SLC38A7: variants seen among roughly 807,000 people sequenced by gnomAD.
The protein encoded by SLC38A7 is solute carrier family 38 member 7.
A neutral mutation model predicts 50.1 loss-of-function variants in SLC38A7; 29 were observed. The ratio of observed to expected loss-of-function variants is 0.58; its 90% CI spans 0.43 to 0.79. SLC38A7 has a LOEUF of 0.79. Among genes scored for constraint, SLC38A7 ranks in the 30% least tolerant of loss-of-function variants. The pLI is 0.00. For missense variants in SLC38A7, 483 were observed against 610.6 expected (o/e 0.79, Z 2.20); for synonymous variants, 244 against 245.9 (o/e 0.99, Z 0.07).
At position 58,673,083 on chromosome 16, in the gene SLC38A7, A is replaced by ATTT. The variant is rs34081609; in HGVS notation, c.884-843_884-841dup. On this transcript the variant is annotated intron_variant, in intron 8 of 11. Coordinates refer to ENST00000219320, the MANE Select transcript of SLC38A7 (RefSeq NM_018231.3). Reference sequence around the variant, plus strand: ...GCTGGGATTACACCATGCCCGGCTAATTTTTTTTTTTTTTTTTTTTTTTTT... The same window carrying ATTT: ...GCTGGGATTACACCATGCCCGGCTAATTTTTTTTTTTTTTTTTTTTTTTTTTTT... 8.3e-4 allele frequency among the ~76,000 whole-genome samples: 50 copies of ATTT among 60,386 alleles called. 2 individuals carry two copies. The highest frequency in any genetic ancestry group is 2.8e-3 in the African/African-American group (30 of 10,730). The allele number at this position is 60,386 out of a possible 152,430, so 39.6% of individuals were successfully genotyped here.
chr16:58,672,033 A>T, intron 9 of SLC38A7, 63 bp downstream of exon 9: 1 of 939,338 alleles, frequency 1.1e-6, no homozygotes, highest in Non-Finnish European at 1.4e-6. Flanking sequence ...ACAAGGCCAA[A>T]GGACCATGTT....
At chr16:58,667,600 G>T in intron 11 of SLC38A7, 113 bp from the exon 12 acceptor site, 2 of 797,158 alleles carry the variant, frequency 2.5e-6, no homozygotes. Context: ...TGTTGGTAGA[G>T]CACTTCCTAC....
At position 58,680,038 on chromosome 16, in the gene SLC38A7, C is replaced by G. The variant is rs1187708874; in HGVS notation, c.89G>C (p.Cys30Ser). Residue 30 changes from cysteine to serine, a missense_variant, in exon 3 of 12, where the codon TGT (cysteine) becomes TCT (serine). Physicochemically the swap from Cys to Ser is moderately radical, Grantham distance 112 (BLOSUM62 -1). Transcript: ENST00000219320. ...CTCACTCTTGGGGGCTGTGTCCACA[C>G]AGGGACTCTGCAGCAGCCGAGCCCG... is the stretch of plus-strand genomic sequence containing the variant. ...GERARLLQSP[C>S]VDTAPKSEWE... 3.7e-6 allele frequency: 6 copies of G among 1,605,514 alleles called. No homozygotes were observed. Among genetic ancestry groups the G allele is most frequent in the South Asian group, 3.3e-5 (3 of 90,114 alleles).
In SLC38A7 at chr16:58,678,271, C is replaced by T. The variant is rs1342259039; in HGVS notation, c.611+62G>A. ...TGGAGGAGCAGGGTTCCCCAGGAGCCCTTGGGTCTACAGCTGCCCAGGATC... is the reference window on the plus strand; with the variant it reads ...TGGAGGAGCAGGGTTCCCCAGGAGCTCTTGGGTCTACAGCTGCCCAGGATC... On this transcript the variant is annotated intron_variant, in intron 5 of 11. Coordinates refer to ENST00000219320, the MANE Select transcript of SLC38A7 (RefSeq NM_018231.3). This position sits in a 1 kb window ranked among gnomAD's most constrained non-coding sequence, Gnocchi z 4.0. 1.4e-6 allele frequency: 2 copies of T among 1,460,454 alleles called. No individual in the cohort carries two copies. Among genetic ancestry groups the T allele is most frequent in the Non-Finnish European group, 1.8e-6 (2 of 1,102,762 alleles). 90.5% of individuals were successfully genotyped at this position (1,460,454 alleles called of 1,614,324 possible). A position where few individuals can be genotyped will look rare whatever the true frequency, so the allele number is the denominator to read the frequency against.
chr16:58,670,204 G>A (rs564897096), intron 10 of SLC38A7, 37 bp from the exon 11 acceptor site: 2 of 1,608,006 alleles, frequency 1.2e-6, no homozygotes, highest in South Asian at 2.2e-5. Flanking sequence ...ATTTGTGAGG[G>A]GAGAGGGCTC....
intron 1 of SLC38A7, chr16:58,684,395 G>C (rs1186449600): frequency 6.6e-6 from 1 of 152,564 alleles, no homozygotes; most frequent in African/African-American, 2.4e-5. Flanking sequence ...GCTTTGTGAG[G>C]TGAGCCAGGG....
chr16:58,684,686 C>T (rs2044454987), intron 1 of SLC38A7, 31 bp downstream of exon 1: 1 of 152,438 alleles, frequency 6.6e-6, no homozygotes, highest in Admixed American at 6.5e-5. Flanking sequence ...CTAACACTTC[C>T]ACCCTCCAGA....
At chr16:58,675,666 G>A (rs2044249822) in intron 8 of SLC38A7, among the ~76,000 whole-genome samples, 1 of 152,202 alleles carries the variant, frequency 6.6e-6, no homozygotes, top group African/African-American at 2.4e-5. Context: ...ATGAGGGCAA[G>A]ACCAGTTCTG....
Position 58,672,132 on chromosome 16 carries a change from A to T in SLC38A7, c.995T>A (p.Val332Glu). The T allele has an allele frequency of 6.4e-7, 1 of 1,560,792 alleles. No individual in the cohort carries two copies. Among genetic ancestry groups the T allele is most frequent in the Non-Finnish European group, 8.7e-7 (1 of 1,152,474 alleles). ...AVARAFIILS[V>E]LTSYPILHFC... is the part of the protein sequence containing the mutation. Reference sequence around the variant, plus strand: ...GTGCAGGATAGGGTAGGAGGTGAGCACGCTCAGGATGATGAAGGCTCGGGC... The same window carrying T: ...GTGCAGGATAGGGTAGGAGGTGAGCTCGCTCAGGATGATGAAGGCTCGGGC... Residue 332 changes from valine to glutamate, a missense_variant, in exon 9 of 12, where the codon GTG becomes GAG. Transcript: ENST00000219320.
In SLC38A7 at chr16:58,669,678, AAAC is replaced by A. The variant is rs1322600046; in HGVS notation, c.1286+432_1286+434del. ...CGAATTTTTAAAAGTATTAAAAAAA[AAAC>A]AACAACAACCTGGCTGGGTGTGGTG... On this transcript the variant is annotated intron_variant, in intron 11 of 11. Coordinates refer to ENST00000219320, the MANE Select transcript of SLC38A7 (RefSeq NM_018231.3). Among the ~76,000 whole-genome samples the A allele has an allele frequency of 5.1e-5, 7 of 137,952 alleles. No homozygotes were observed. The East Asian group carries it at 8.4e-4, about 17-fold the overall frequency. The allele number at this position is 137,952 out of a possible 152,430, so 90.5% of individuals were successfully genotyped here.
Position 58,672,239 on chromosome 16 carries a change from G to A in SLC38A7, c.888C>T (p.Ile296=), listed in dbSNP as rs756936849. The change falls in exon 9 of 12, where the codon ATC becomes ATT. Residue 296 remains isoleucine (I), a synonymous_variant. Transcript: ENST00000219320. Reference sequence around the variant, plus strand: ...CAGCTCCAAAGGTCAGGAAGCCACAGATGCCTGTGGGCAGGGACAACTGGG... The same window carrying A: ...CAGCTCCAAAGGTCAGGAAGCCACAAATGCCTGTGGGCAGGGACAACTGGG... ...IALAVYMGTG[I]CGFLTFGAAV... 1.3e-6 allele frequency: 2 copies of A among 1,581,516 alleles called. No homozygotes were observed. The highest frequency in any genetic ancestry group is 1.7e-6 in the Non-Finnish European group (2 of 1,163,536).
chr16:58,670,952 C>T (rs1057294836), intron 10 of SLC38A7, 93 bp downstream of exon 10: 11 of 1,360,148 alleles, frequency 8.1e-6, no homozygotes, highest in Non-Finnish European at 1.1e-5. Context: ...GTTACTCTCT[C>T]CTGCATGTTT....
In SLC38A7 at chr16:58,665,966, G is replaced by A; in HGVS notation, c.*1419C>T. 6.5e-6 allele frequency: 1 copy of A among 152,790 alleles called. No homozygotes were observed. Among genetic ancestry groups the A allele is most frequent in the Non-Finnish European group, 1.5e-5 (1 of 68,394 alleles). The allele number at this position is 152,790 out of a possible 1,614,324, so 9.5% of individuals were successfully genotyped here. A position where few individuals can be genotyped will look rare whatever the true frequency, so the allele number is the denominator to read the frequency against. On this transcript the variant is annotated 3_prime_UTR_variant, in exon 12 of 12. Transcript: ENST00000219320. ...GGTGAAGAGGTAACGGGGTGAGGGG[G>A]AAGGAAGGAGCAGACAAAATCCAGA...
chr16:58,677,537 C>A (rs958413836), intron 5 of SLC38A7, 113 bp from the exon 6 acceptor site: 1 of 865,720 alleles, frequency 1.2e-6, no homozygotes, highest in Non-Finnish European at 1.9e-6. Context: ...CTGAATGAAC[C>A]GGAGACTATG....
rs2044170460 is a variant in SLC38A7 at position 58,672,106 on chromosome 16, A to T, written c.1021T>A (p.Phe341Ile). 1 of 1,557,342 alleles carries T rather than the reference A, an allele frequency of 6.4e-7. No individual in the cohort carries two copies. The highest frequency in any genetic ancestry group is 8.7e-7 in the Non-Finnish European group (1 of 1,150,642). The change falls in exon 9 of 12, where the codon TTC becomes ATC. Residue 341 changes from phenylalanine (F) to isoleucine (I), a missense_variant. Phe to Ile is a conservative substitution (Grantham distance 21). Coordinates refer to ENST00000219320, the MANE Select transcript of SLC38A7 (RefSeq NM_018231.3). ...TGGAAGGGGGCTCACCGCCCACAGA[A>T]GTGCAGGATAGGGTAGGAGGTGAGC... Reference protein sequence around the residue: ...SVLTSYPILHFCGRAVVEGLW... With the variant: ...SVLTSYPILHICGRAVVEGLW...
rs2044358676 is a variant in SLC38A7 at position 58,680,071 on chromosome 16, GC to G, written c.55del (p.Ala19ProfsTer108). The G allele has an allele frequency of 6.4e-7, 1 of 1,573,388 alleles. No individual in the cohort carries two copies. The highest frequency in any genetic ancestry group is 8.6e-7 in the Non-Finnish European group (1 of 1,159,454). ...DYSEWDLSTD[A>X]GERARLLQSP... is the part of the protein sequence containing the mutation. ...CTGCAGCAGCCGAGCCCGCTCCCCG[GC>G]ATCCGTGCTCAAGTCCCACTCGCTG... is the stretch of plus-strand genomic sequence containing the variant. On this transcript the variant is annotated frameshift_variant, in exon 3 of 12. Coordinates refer to ENST00000219320, the MANE Select transcript of SLC38A7 (RefSeq NM_018231.3). LOFTEE classifies it high-confidence loss of function.
Position 58,678,625 on chromosome 16 carries a change from C to T in SLC38A7, c.469+71G>A, listed in dbSNP as rs757908513. On this transcript the variant is annotated intron_variant, in intron 4 of 11. Coordinates refer to ENST00000219320, the MANE Select transcript of SLC38A7 (RefSeq NM_018231.3). This position sits in a 1 kb window ranked among gnomAD's most constrained non-coding sequence, Gnocchi z 4.0. ...TAAGTCCTGGAGAGGTGTTCAGTGC[C>T]TTTTCCCTCCACCCCAGGATCCCTG... 5 of 1,588,118 alleles carry T rather than the reference C, an allele frequency of 3.1e-6. No homozygotes were observed. Among genetic ancestry groups the T allele is most frequent in the Non-Finnish European group, 3.4e-6 (4 of 1,163,266 alleles).
chr16:58,680,854 G>A (rs1366676948), intron 2 of SLC38A7, among the ~76,000 whole-genome samples: 2 of 152,130 alleles, frequency 1.3e-5, no homozygotes, highest in Admixed American at 6.6e-5. Context: ...TCATGTTTGC[G>A]TCTTCAGGAA....
intron 9 of SLC38A7, 191 bp downstream of exon 9, chr16:58,671,905 T>C: frequency 3.7e-6 from 2 of 547,006 alleles, no homozygotes; most frequent in Non-Finnish European, 6.1e-6. Context: ...CGGAATGTTC[T>C]GGTGACCCCA....
Sources: gnomAD v4.1 joint callset for allele counts (sites outside exome capture counted in the v4.1 genomes callset) on GRCh38, gnomAD v4.1.1 for gene constraint, Gnocchi (gnomAD v3.1) non-coding constraint, MANE v1.5 for transcripts, NCBI Gene and HGNC (gene_info 2026-07-23, HGNC 2026-07-21) for gene names.